MRPS7: variants seen among roughly 807,000 people sequenced by gnomAD.
MRPS7 encodes the protein mitochondrial ribosomal protein S7.
MRPS7 carries 13 observed loss-of-function variants against 26.2 expected under a neutral mutation model. The observed-to-expected ratio is 0.50, with a 90% CI of 0.32 to 0.79. MRPS7 has a LOEUF of 0.79. Among genes scored for constraint, MRPS7 ranks in the 30% least tolerant of loss-of-function variants. The pLI is 0.03. For missense variants in MRPS7, 318 were observed against 312.2 expected (o/e 1.02, Z -0.14); for synonymous variants, 129 against 113.3 (o/e 1.14, Z -0.88).
rs1407373874 is a variant in MRPS7, at chr17:75,262,762, T to TA, written c.276-41dup. 2.5e-6 allele frequency: 4 copies of TA among 1,613,922 alleles called. No homozygotes were observed. In the African/African-American group the frequency reaches 4.0e-5, roughly 16 times the overall value. ...AGGGTTTCTGGTGAGGATTCTGTGA[T>TA]ACAGCCTTGGAGAGCTAAACGTGTT... On this transcript the variant is annotated intron_variant, in intron 2 of 4. Transcript: ENST00000245539.
At chr17:75,262,007 G>GT (rs758571862) in intron 1 of MRPS7, 24 bp downstream of exon 1, 7 of 1,452,138 alleles carry the variant, frequency 4.8e-6, no homozygotes, top group Non-Finnish European at 6.3e-6. Flanking sequence ...GAGCAGCGGC[G>GT]GGGGGGCGCT....
At chr17:75,265,677 C>T (rs1225047773) in intron 4 of MRPS7, 25 bp from the exon 5 acceptor site, 2 of 1,603,404 alleles carry the variant, frequency 1.2e-6, no homozygotes, top group South Asian at 1.1e-5. Context: ...CTTGGACCAA[C>T]TTGCCTATGT....
At chr17:75,265,047 T>A (rs1424551245) in intron 4 of MRPS7, among the ~76,000 whole-genome samples, 1 of 152,076 alleles carries the variant, frequency 6.6e-6, no homozygotes, top group Non-Finnish European at 1.5e-5. Context: ...TCTTTTTCTT[T>A]TTCTTTTTTT....
intron 1 of MRPS7, 32 bp from the exon 2 acceptor site, chr17:75,262,465 T>C (rs1192327801): frequency 6.2e-7 from 1 of 1,607,194 alleles, no homozygotes; most frequent in Non-Finnish European, 8.5e-7. Context: ...GGAGTCAGCT[T>C]TTGCCTGCCT....
Position 75,266,093 on chromosome 17 carries a change from C to T in MRPS7, c.*170C>T, listed in dbSNP as rs1444626898. The stretch of plus-strand genomic sequence containing the variant: ...TCCGTTAATCCTTCTTTCTTTGAGG[C>T]TGGAACTTGCTCTCTCTGCCCCTAT... On this transcript the variant is annotated 3_prime_UTR_variant, in exon 5 of 5. Transcript: ENST00000245539. 1.6e-6 allele frequency: 1 copy of T among 635,026 alleles called. No individual in the cohort carries two copies. The highest frequency in any genetic ancestry group is 2.9e-5 in the Admixed American group (1 of 34,978). The allele number at this position is 635,026 out of a possible 1,614,324, so 39.3% of individuals were successfully genotyped here. A position where few individuals can be genotyped will look rare whatever the true frequency, so the allele number is the denominator to read the frequency against.
At chr17:75,263,199 A>G (rs2077436015) in intron 3 of MRPS7, 141 bp from the exon 4 acceptor site, 1 of 1,036,650 alleles carries the variant, frequency 9.6e-7, no homozygotes, top group African/African-American at 1.6e-5. Context: ...GCACTTAAAA[A>G]CTTTGTTTTG....
chr17:75,262,852 AT>A lies in MRPS7; in HGVS notation c.325del (p.Ser109ProfsTer3), dbSNP rs765951280. The A allele has an allele frequency of 1.2e-6, 2 of 1,614,082 alleles. No individual in the cohort carries two copies. The highest frequency in any genetic ancestry group is 2.7e-5 in the African/African-American group (2 of 75,032). On this transcript the variant is annotated frameshift_variant, in exon 3 of 5. Transcript: ENST00000245539. LOFTEE classifies it high-confidence loss of function. ...TAGGAGGAAACAAAGTACTGGCCAGATCCCTCATGATTCAGGTAAACAGCAC... is the reference window on the plus strand; with the variant it reads ...TAGGAGGAAACAAAGTACTGGCCAGACCCTCATGATTCAGGTAAACAGCAC... Reference protein sequence around the residue: ...MIGGNKVLARSLMIQTLEAVK... With the variant: ...MIGGNKVLARXLMIQTLEAVK...
rs1476540862 is a variant in MRPS7 at position 75,265,970 on chromosome 17, AGCTACTGCCAC to A, written c.*51_*61del. On this transcript the variant is annotated 3_prime_UTR_variant, in exon 5 of 5. Transcript: ENST00000245539. ...GCCCTCTGCCGCAAGAAACAGTGTG[AGCTACTGCCAC>A]GCTGAAAACTACCTGTGGGTTAAGG... 1 of 1,563,242 alleles carries A rather than the reference AGCTACTGCCAC, an allele frequency of 6.4e-7. No homozygotes were observed. Among genetic ancestry groups the A allele is most frequent in the Non-Finnish European group, 8.8e-7 (1 of 1,139,594 alleles).
intron 4 of MRPS7, 77 bp from the exon 5 acceptor site, chr17:75,265,624 CT>C: frequency 7.7e-7 from 1 of 1,298,522 alleles, no homozygotes; most frequent in South Asian, 1.2e-5. Flanking sequence ...GTGGCTACTC[CT>C]TAGAATTCAG....
At chr17:75,263,732 T>G in intron 4 of MRPS7, 1 of 558,432 alleles carries the variant, frequency 1.8e-6, no homozygotes, top group Non-Finnish European at 3.1e-6. Context: ...AACAAAAAAA[T>G]TAGCCAGGTG....
chr17:75,265,049 TC>T (rs1478921758), intron 4 of MRPS7, among the ~76,000 whole-genome samples: 1 of 152,028 alleles, frequency 6.6e-6, no homozygotes, highest in African/African-American at 2.4e-5. Flanking sequence ...TTTTTCTTTT[TC>T]TTTTTTTTTG....
intron 3 of MRPS7, 51 bp from the exon 4 acceptor site, chr17:75,263,289 T>G (rs747774186): frequency 1.2e-6 from 2 of 1,607,550 alleles, no homozygotes. Flanking sequence ...CTTGGCTGGG[T>G]AAACCCTTTA....
chr17:75,263,726 A>G (rs1284384385), intron 4 of MRPS7: 1 of 581,988 alleles, frequency 1.7e-6, no homozygotes, highest in African/African-American at 1.9e-5. Context: ...AAAAAAAACA[A>G]AAAAATTAGC....
rs1002941275 is a variant in MRPS7 at position 75,262,879 on chromosome 17, T to G, written c.339+12T>G. ...CCCTCATGATTCAGGTAAACAGCAC[T>G]TCCCTCCTCAGTCATCTTTCTTGCC... is the stretch of plus-strand genomic sequence containing the variant. On this transcript the variant is annotated intron_variant, in intron 3 of 4. Transcript: ENST00000245539. 1.4e-5 allele frequency: 22 copies of G among 1,613,088 alleles called. No individual in the cohort carries two copies. The Admixed American group carries it at 3.7e-4, about 27-fold the overall frequency.
At chr17:75,262,910 A>G (rs1340630800) in intron 3 of MRPS7, 43 bp downstream of exon 3, 2 of 1,582,272 alleles carry the variant, frequency 1.3e-6, no homozygotes, top group Admixed American at 1.7e-5. Flanking sequence ...TTGCCCCCCT[A>G]CCCCGTAGCC....
intron 3 of MRPS7, 56 bp downstream of exon 3, chr17:75,262,923 G>T (rs2145634565): frequency 1.3e-6 from 2 of 1,525,114 alleles, no homozygotes; most frequent in East Asian, 2.3e-5. Flanking sequence ...CCGTAGCCTT[G>T]TACTTGGTAC....
chr17:75,263,307 TG>T (rs2077437885), intron 3 of MRPS7, 32 bp from the exon 4 acceptor site: 2 of 1,612,832 alleles, frequency 1.2e-6, no homozygotes, highest in African/African-American at 2.7e-5. Context: ...TTAGGGAGCC[TG>T]GGGCAGCCTC....
intron 3 of MRPS7, 163 bp downstream of exon 3, chr17:75,263,030 A>C (rs940437372): frequency 5.8e-6 from 4 of 687,034 alleles, no homozygotes; most frequent in Middle Eastern, 3.5e-4. Flanking sequence ...TGTAAGAGTC[A>C]GCAACTGCCA....
intron 3 of MRPS7, 97 bp downstream of exon 3, chr17:75,262,964 A>G: frequency 8.3e-7 from 1 of 1,207,192 alleles, no homozygotes. Flanking sequence ...AAATGGATTC[A>G]TGTATCTATT....
Sources: gnomAD v4.1 joint callset for allele counts (sites outside exome capture counted in the v4.1 genomes callset) on GRCh38, gnomAD v4.1.1 for gene constraint, MANE v1.5 for transcripts, NCBI Gene and HGNC (gene_info 2026-07-23, HGNC 2026-07-21) for gene names.